SMG5: variants seen among roughly 807,000 people sequenced by gnomAD.
SMG5 encodes the protein SMG5 nonsense mediated mRNA decay factor.
SMG5 carries 53 observed loss-of-function variants against 122.9 expected under a neutral mutation model. That is an observed-to-expected ratio of 0.43 (90% CI 0.35 to 0.54). The LOEUF (loss-of-function observed/expected upper bound fraction) is 0.54, where lower values mean the gene tolerates loss of function less well. Among genes scored for constraint, SMG5 ranks in the 20% least tolerant of loss-of-function variants. The probability of loss-of-function intolerance (pLI) is 0.01; values close to 1 mark genes in which losing one functional copy is unlikely to be tolerated. For missense variants in SMG5, 1,153 were observed against 1,285.6 expected, an observed-to-expected ratio of 0.90 and a Z score of 1.58; for synonymous variants, 477 against 490.2, an observed-to-expected ratio of 0.97 and a Z score of 0.35.
chr1:156,263,658 T>C (rs1661970698), intron 12 of SMG5, 88 bp from the exon 13 acceptor site: 2 of 1,427,638 alleles, frequency 1.4e-6, no homozygotes, highest in Non-Finnish European at 1.9e-6. Context: ...GGGAGCATGC[T>C]TCCACCTGGC....
chr1:156,281,150 G>A (rs1205456792), intron 1 of SMG5, among the ~76,000 whole-genome samples: 5 of 152,312 alleles, frequency 3.3e-5, no homozygotes, highest in African/African-American at 1.2e-4. Context: ...TAAAAACAGT[G>A]ATTGGCTGCC....
At chr1:156,291,313 A>G in the SMG5 span, 1 of 1,423,060 alleles carries the variant, frequency 7.0e-7, no homozygotes, top group Non-Finnish European at 9.8e-7. Context: ...TACTCCCCCC[A>G]CCGTCAGCCT....
rs748577017 is a variant in SMG5, at chr1:156,263,415, G to C, written c.2011C>G (p.Leu671Val). Residue 671 changes from leucine to valine, a missense_variant, in exon 13 of 22, where the codon CTC (leucine) becomes GTC (valine). Coordinates refer to ENST00000361813, the MANE Select transcript of SMG5 (RefSeq NM_015327.3). ...FLDWLRTNPD[L>V]IIVCAQSSQS... ...CACACCTGCGCACACACGATGATGA[G>C]GTCGGGGTTGGTCCGAAGCCAGTCC... 17 of 1,613,990 alleles carry C rather than the reference G, an allele frequency of 1.1e-5. No individual in the cohort carries two copies. The highest frequency in any genetic ancestry group is 1.4e-5 in the Non-Finnish European group (16 of 1,179,982).
upstream of SMG5, chr1:156,285,585 T>A (rs751219929): frequency 1.2e-6 from 2 of 1,614,120 alleles, no homozygotes; most frequent in African/African-American, 2.7e-5. Flanking sequence ...GATGCCAACC[T>A]GCTGCCTGAG....
At position 156,261,351 on chromosome 1, in the gene SMG5, C is replaced by G. The variant is rs768876119; in HGVS notation, c.2089G>C (p.Gly697Arg). 28 of 1,614,128 alleles carry G rather than the reference C, an allele frequency of 1.7e-5. No individual in the cohort carries two copies. The highest frequency in any genetic ancestry group is 2.1e-5 in the Non-Finnish European group (25 of 1,180,008). The change falls in exon 14 of 22, where the codon GGT becomes CGT. Residue 697 changes from glycine to arginine, a missense_variant. This residue lies in a region of SMG5 where 631 missense variants were observed against 650.6 expected (regional missense o/e 0.97). Transcript: ENST00000361813. Reference protein sequence around the residue: ...SVLLNLLPAAGELQESGLALC... With the variant: ...SVLLNLLPAARELQESGLALC... ...CACTCACCAGACTCCTGGAGTTCACCAGCAGCAGGCAACAGATTCAGCAAC... is the reference window on the plus strand; with the variant it reads ...CACTCACCAGACTCCTGGAGTTCACGAGCAGCAGGCAACAGATTCAGCAAC...
chr1:156,254,055 A>G (rs949735068), intron 16 of SMG5, among the ~76,000 whole-genome samples: 5 of 152,186 alleles, frequency 3.3e-5, no homozygotes, highest in African/African-American at 1.2e-4. Flanking sequence ...CCAAGTCAGA[A>G]AGCTCAGGGT....
upstream of SMG5, among the ~76,000 whole-genome samples, chr1:156,287,502 C>G (rs1663200282): frequency 6.6e-6 from 1 of 151,750 alleles, no homozygotes; most frequent in East Asian, 1.9e-4. Context: ...CTGTCCTTCT[C>G]TTCCTGTTTG....
rs1198662870 is a variant in SMG5, at chr1:156,252,477, T to C, written c.2690A>G (p.Lys897Arg). The change falls in exon 19 of 22, where the codon AAG becomes AGG. Residue 897 changes from lysine (K) to arginine (R), a missense_variant. This residue lies in a region of SMG5 where 140 missense variants were observed against 227.8 expected (regional missense o/e 0.61). Transcript: ENST00000361813. ...TVIDGLDLLK[K>R]EHPGARDGIR... Reference sequence around the variant, plus strand: ...CCCATCCCGGGCCCCTGGGTGTTCCTTCTTCAGCAAATCCAGGCCATCGAT... The same window carrying C: ...CCCATCCCGGGCCCCTGGGTGTTCCCTCTTCAGCAAATCCAGGCCATCGAT... 1 of 1,614,102 alleles carries C rather than the reference T, an allele frequency of 6.2e-7. No individual in the cohort carries two copies. Among genetic ancestry groups the C allele is most frequent in the Non-Finnish European group, 8.5e-7 (1 of 1,180,018 alleles).
intron 20 of SMG5, 68 bp downstream of exon 20, chr1:156,251,335 C>T: frequency 6.4e-7 from 1 of 1,560,206 alleles, no homozygotes; most frequent in Non-Finnish European, 8.8e-7. Flanking sequence ...ACCCGTTCTC[C>T]CTAGGAATGC....
intron 15 of SMG5, among the ~76,000 whole-genome samples, chr1:156,260,067 T>G (rs1046665265): frequency 6.6e-6 from 1 of 152,142 alleles, no homozygotes; most frequent in Non-Finnish European, 1.5e-5. Context: ...GGCAGCACAT[T>G]CCCTTCCAGC....
chr1:156,286,255 C>T (rs1663157435), upstream of SMG5: 1 of 1,613,796 alleles, frequency 6.2e-7, no homozygotes, highest in Non-Finnish European at 8.5e-7. Flanking sequence ...CCCAACTCCA[C>T]CCAGGGATCC....
intron 10 of SMG5, 126 bp downstream of exon 10, chr1:156,267,344 C>T (rs1662196845): frequency 1.1e-6 from 1 of 951,982 alleles, no homozygotes; most frequent in Non-Finnish European, 1.6e-6. Context: ...TGCCCACAGC[C>T]AAGCAGTGAC....
intron 13 of SMG5, among the ~76,000 whole-genome samples, chr1:156,262,910 T>C (rs1209395422): frequency 6.6e-6 from 1 of 152,204 alleles, no homozygotes; most frequent in Non-Finnish European, 1.5e-5. Flanking sequence ...AAAGCTACCA[T>C]GGCCCCACCC....
intron 19 of SMG5, among the ~76,000 whole-genome samples, chr1:156,251,952 C>T (rs1400809947): frequency 6.6e-6 from 1 of 152,234 alleles, no homozygotes; most frequent in Non-Finnish European, 1.5e-5. Context: ...GCTGCCCCTC[C>T]CTGGCTGGCT....
intron 2 of SMG5, 89 bp downstream of exon 2, chr1:156,278,847 C>G: frequency 9.2e-7 from 1 of 1,090,122 alleles, no homozygotes; most frequent in South Asian, 1.3e-5. Context: ...GGAGGTAAAA[C>G]AGAGTGCGTG....
At chr1:156,280,559 A>C (rs1446271532) in intron 1 of SMG5, among the ~76,000 whole-genome samples, 4 of 152,258 alleles carry the variant, frequency 2.6e-5, no homozygotes, top group African/African-American at 7.2e-5. Flanking sequence ...GGGCAGCACC[A>C]GTGATTTACT....
At chr1:156,291,244 A>G in the SMG5 span, 1 of 674,692 alleles carries the variant, frequency 1.5e-6, no homozygotes, top group Non-Finnish European at 2.6e-6. Flanking sequence ...AAGTGCATAA[A>G]CTTTGGCTGT....
chr1:156,281,002 C>G (rs2101576826), intron 1 of SMG5, among the ~76,000 whole-genome samples: 1 of 152,306 alleles, frequency 6.6e-6, no homozygotes, highest in Non-Finnish European at 1.5e-5. Context: ...TATCCGTAAA[C>G]AGCTAGGTGT....
At chr1:156,264,882 CGGGCAT>C (rs1662044762) in intron 12 of SMG5, among the ~76,000 whole-genome samples, 1 of 151,942 alleles carries the variant, frequency 6.6e-6, no homozygotes, top group South Asian at 2.1e-4. Flanking sequence ...AAAAATTAGC[CGGGCAT>C]GGTGGTGCGT....
Sources: gnomAD v4.1 joint callset for allele counts (sites outside exome capture counted in the v4.1 genomes callset) on GRCh38, gnomAD v4.1.1 for gene constraint, gnomAD v4.1.1 regional missense constraint, MANE v1.5 for transcripts, NCBI Gene and HGNC (gene_info 2026-07-23, HGNC 2026-07-21) for gene names.